The following GALNTL6 variants were observed in gnomAD, a reference collection of about 807,000 sequenced individuals.
GALNTL6 encodes the protein polypeptide N-acetylgalactosaminyltransferase like 6.
In GALNTL6, 46 loss-of-function variants were observed where a neutral mutation model predicts 73.7. The ratio of observed to expected loss-of-function variants is 0.62; its 90% CI spans 0.49 to 0.80. GALNTL6 has a LOEUF of 0.80. Among genes scored for constraint, GALNTL6 ranks in the 30% least tolerant of loss-of-function variants. GALNTL6 has a pLI of 0.00. For synonymous variants in GALNTL6, 259 were observed against 263.7 expected (o/e 0.98, Z 0.17); for missense variants, 604 against 755.0 (o/e 0.80, Z 2.34).
chr4:172,064,386 A>C (rs575730593), intron 2 of GALNTL6, among the ~76,000 whole-genome samples: 2 of 152,334 alleles, frequency 1.3e-5, no homozygotes, highest in Admixed American at 1.3e-4. Flanking sequence ...GTACGCTTGA[A>C]GTCAGACTCT....
chr4:172,053,522 G>C (rs1255660804), intron 2 of GALNTL6, among the ~76,000 whole-genome samples: 3 of 152,138 alleles, frequency 2.0e-5, no homozygotes, highest in South Asian at 2.1e-4. Flanking sequence ...TTTCTAAAGG[G>C]ACTGCTGAAA....
At chr4:171,875,563 C>A (rs1038690007) in intron 2 of GALNTL6, among the ~76,000 whole-genome samples, 7 of 151,980 alleles carry the variant, frequency 4.6e-5, no homozygotes, top group African/African-American at 1.7e-4. Context: ...TACCACCACC[C>A]CAGGAAGGTT....
rs1435566836 is a variant in GALNTL6 at position 172,777,822 on chromosome 4, C to T, written c.554-31539C>T. On this transcript the variant is annotated intron_variant, in intron 5 of 12. Transcript: ENST00000506823. ...GTCTGTCTTCCAAAGCATTATAACC[C>T]GTAATTACAACATTCAGGCAATGAT... is the stretch of plus-strand genomic sequence containing the variant. Among the ~76,000 whole-genome samples the T allele has an allele frequency of 3.3e-5, 5 of 152,116 alleles. No homozygotes were observed. The South Asian group carries it at 1.0e-3, about 32-fold the overall frequency.
intron 5 of GALNTL6, among the ~76,000 whole-genome samples, chr4:172,429,322 C>T (rs1273536346): frequency 6.6e-6 from 1 of 151,952 alleles, no homozygotes; most frequent in Non-Finnish European, 1.5e-5. Flanking sequence ...AGCGATTCTC[C>T]TGCCTCAGCC....
chr4:171,982,783 G>A (rs1318329638), intron 2 of GALNTL6, among the ~76,000 whole-genome samples: 2 of 152,144 alleles, frequency 1.3e-5, no homozygotes, highest in African/African-American at 2.4e-5. Flanking sequence ...TGTTGTGAAA[G>A]AAAATAGGAT....
intron 3 of GALNTL6, among the ~76,000 whole-genome samples, chr4:172,300,773 C>T (rs925826421): frequency 5.9e-5 from 9 of 152,074 alleles, no homozygotes; most frequent in African/African-American, 7.2e-5. Context: ...TGTGGTAACC[C>T]GACCTTTCTC....
At chr4:172,285,972 T>A (rs1239285336) in intron 3 of GALNTL6, among the ~76,000 whole-genome samples, 3 of 152,194 alleles carry the variant, frequency 2.0e-5, no homozygotes, top group African/African-American at 4.8e-5. Context: ...AAAATTAACA[T>A]CTCAGAAATT....
At chr4:171,903,561 T>G (rs971857520) in intron 2 of GALNTL6, among the ~76,000 whole-genome samples, 21 of 147,344 alleles carry the variant, frequency 1.4e-4, no homozygotes, top group Middle Eastern at 3.5e-3. Flanking sequence ...GCAGCGAGGC[T>G]GGGGGAGGGG....
At chr4:172,997,318 T>C (rs1240354665) in intron 10 of GALNTL6, among the ~76,000 whole-genome samples, 1 of 152,182 alleles carries the variant, frequency 6.6e-6, no homozygotes, top group African/African-American at 2.4e-5. Context: ...GTGCGAATCC[T>C]GCCTGCTGTC....
chr4:172,549,523 T>C (rs1735884330), intron 5 of GALNTL6, among the ~76,000 whole-genome samples: 1 of 152,140 alleles, frequency 6.6e-6, no homozygotes, highest in South Asian at 2.1e-4. Context: ...TTAATTTTAA[T>C]TTAATGTAGA....
intron 2 of GALNTL6, among the ~76,000 whole-genome samples, chr4:171,838,689 A>C (rs1364295128): frequency 1.3e-5 from 2 of 152,132 alleles, no homozygotes; most frequent in Admixed American, 6.6e-5. Flanking sequence ...GGATATATAC[A>C]TGAGTTGGGC....
At position 172,989,693 on chromosome 4, in the gene GALNTL6, G is replaced by A. The variant is rs115555206; in HGVS notation, c.1372-19485G>A. Among the ~76,000 whole-genome samples, 1,051 of 152,244 alleles carry A rather than the reference G, an allele frequency of 6.9e-3. 8 individuals carry two copies. Among genetic ancestry groups the A allele is most frequent in the African/African-American group, 0.024 (996 of 41,538 alleles). ...TCTGCCTTCTTTGTCCATGTGAGACGTGTCTGCTTCTCCTTCACTTTCTGC... is the reference window on the plus strand; with the variant it reads ...TCTGCCTTCTTTGTCCATGTGAGACATGTCTGCTTCTCCTTCACTTTCTGC... On this transcript the variant is annotated intron_variant, in intron 10 of 12. Transcript: ENST00000506823.
intron 10 of GALNTL6, among the ~76,000 whole-genome samples, chr4:172,980,143 C>G (rs1751003520): frequency 6.6e-6 from 1 of 152,202 alleles, no homozygotes; most frequent in Non-Finnish European, 1.5e-5. Context: ...GGAATTAGGT[C>G]CTGCCTTATG....
chr4:171,967,510 T>G (rs1739427680), intron 2 of GALNTL6, among the ~76,000 whole-genome samples: 2 of 149,220 alleles, frequency 1.3e-5, no homozygotes, highest in Admixed American at 1.4e-4. Context: ...AGAAAATATA[T>G]TGAAAATAGT....
intron 2 of GALNTL6, among the ~76,000 whole-genome samples, chr4:172,206,799 TTTTC>T (rs1736132192): frequency 5.4e-5 from 1 of 18,500 alleles, no homozygotes; most frequent in Non-Finnish European, 1.6e-4. Flanking sequence ...TTTGTTTTGT[TTTTC>T]TGTTTTTTTT....
chr4:172,074,027 C>A (rs1731631471), intron 2 of GALNTL6, among the ~76,000 whole-genome samples: 1 of 152,198 alleles, frequency 6.6e-6, no homozygotes, highest in South Asian at 2.1e-4. Context: ...TACTCCCTCA[C>A]CTGTAGAACT....
chr4:172,091,422 A>C (rs1732199377), intron 2 of GALNTL6, among the ~76,000 whole-genome samples: 1 of 152,124 alleles, frequency 6.6e-6, no homozygotes, highest in Admixed American at 6.5e-5. Context: ...GATCCCCCAA[A>C]ATATCTTCAG....
chr4:172,939,796 A>G (rs1279478378), intron 9 of GALNTL6, among the ~76,000 whole-genome samples: 1 of 152,200 alleles, frequency 6.6e-6, no homozygotes, highest in Non-Finnish European at 1.5e-5. Flanking sequence ...GCTAACCATG[A>G]GAAAAATAAG....
intron 10 of GALNTL6, among the ~76,000 whole-genome samples, chr4:173,004,840 G>C (rs577880934): frequency 5.3e-4 from 81 of 152,178 alleles, no homozygotes; most frequent in African/African-American, 1.9e-3. Context: ...CTGTATACCT[G>C]GTTTCCAGCA....
Sources: allele counts gnomAD v4.1 joint callset (sites outside exome capture counted in the v4.1 genomes callset), GRCh38; gene constraint gnomAD v4.1.1; transcripts MANE v1.5; gene names NCBI Gene and HGNC (gene_info 2026-07-23, HGNC 2026-07-21).